The following QRFPR variants were observed in gnomAD, a reference collection of about 807,000 sequenced individuals.
The protein encoded by QRFPR is pyroglutamylated RF-amide peptide receptor.
A neutral mutation model predicts 31.3 loss-of-function variants in QRFPR; 37 were observed. That is an observed-to-expected ratio of 1.18 (90% confidence interval 0.91 to 1.56). The LOEUF (loss-of-function observed/expected upper bound fraction) is 1.56, where lower values mean the gene tolerates loss of function less well. QRFPR is among the 40% of genes most tolerant of loss of function. The pLI, the probability that QRFPR is intolerant of heterozygous loss-of-function variation, is 0.00. For missense variants in QRFPR, 542 were observed against 532.5 expected, an observed-to-expected ratio of 1.02 and a Z score of -0.18; for synonymous variants, 197 against 192.0, an observed-to-expected ratio of 1.03 and a Z score of -0.22.
chr4:121,332,771 C>G, intron 4 of QRFPR, 50 bp downstream of exon 4: 4 of 1,412,628 alleles, frequency 2.8e-6, no homozygotes, highest in Non-Finnish European at 3.9e-6. Context: ...TCCCTTCCAG[C>G]ACAATTAATT....
At chr4:121,352,761 T>C (rs1187088474) in intron 1 of QRFPR, among the ~76,000 whole-genome samples, 3 of 152,070 alleles carry the variant, frequency 2.0e-5, no homozygotes, top group Admixed American at 6.6e-5. Flanking sequence ...TTTTAAAATA[T>C]ACAATAAATT....
chr4:121,374,035 A>G lies in QRFPR; in HGVS notation c.340+6273T>C, dbSNP rs150727590. Among the ~76,000 whole-genome samples, 263 of 152,330 alleles carry G rather than the reference A, an allele frequency of 1.7e-3. 2 individuals carry two copies. Among genetic ancestry groups the G allele is most frequent in the African/African-American group, 6.2e-3 (258 of 41,570 alleles). ...CTGTGGCCCTGGGCAAAATAGACTG[A>G]AAAACCTTTGTGGTGAGGTGTGCTA... On this transcript the variant is annotated intron_variant, in intron 1 of 5. Coordinates refer to ENST00000394427, the MANE Select transcript of QRFPR (RefSeq NM_198179.3).
At chr4:121,335,915 T>C (rs971796698) in intron 3 of QRFPR, among the ~76,000 whole-genome samples, 13 of 152,118 alleles carry the variant, frequency 8.5e-5, no homozygotes, top group Non-Finnish European at 1.3e-4. Context: ...TTTTTCCAGG[T>C]AGCAAGGGAT....
At chr4:121,359,875 G>T (rs1361705213) in intron 1 of QRFPR, among the ~76,000 whole-genome samples, 1 of 151,346 alleles carries the variant, frequency 6.6e-6, no homozygotes, top group East Asian at 1.9e-4. Flanking sequence ...GACTAATACG[G>T]CTTATTATCA....
chr4:121,359,616 A>G (rs928623324), intron 1 of QRFPR, among the ~76,000 whole-genome samples: 2 of 151,190 alleles, frequency 1.3e-5, no homozygotes, highest in South Asian at 4.2e-4. Flanking sequence ...GTTAATACTT[A>G]GTAAACTCAT....
At chr4:121,335,587 G>C (rs1268902346) in intron 3 of QRFPR, among the ~76,000 whole-genome samples, 2 of 61,188 alleles carry the variant, frequency 3.3e-5, no homozygotes, top group Non-Finnish European at 6.7e-5. Flanking sequence ...GTGGGGGGTG[G>C]GGCGGGGAGA....
rs1726084761 is a variant in QRFPR, at chr4:121,365,527, T to TATATA, written c.340+14776_340+14780dup. Among the ~76,000 whole-genome samples the TATATA allele has an allele frequency of 1.6e-3, 8 of 5,008 alleles. 2 individuals are homozygous for TATATA. The highest frequency in any genetic ancestry group is 9.6e-3 in the African/African-American group (7 of 732). 3.3% of individuals were successfully genotyped at this position (5,008 alleles called of 152,430 possible). A position where few individuals can be genotyped will look rare whatever the true frequency, so the allele number is the denominator to read the frequency against. ...TATATATAATATATATTATATATAT[T>TATATA]ATATATAATATATATTATATATAAT... On this transcript the variant is annotated intron_variant, in intron 1 of 5. Coordinates refer to ENST00000394427, the MANE Select transcript of QRFPR (RefSeq NM_198179.3).
In QRFPR at chr4:121,380,773, G is replaced by C; in HGVS notation, c.-126C>G. ...CCCTTCCTCTACTCTGGAGTCAGCC[G>C]CGCGGGAGGGCTCTAGGCTGCACCC... On this transcript the variant is annotated 5_prime_UTR_variant, in exon 1 of 6. Transcript: ENST00000394427. 2.4e-6 allele frequency: 2 copies of C among 829,282 alleles called. No homozygotes were observed. Among genetic ancestry groups the C allele is most frequent in the Admixed American group, 5.9e-5 (2 of 34,034 alleles). The allele number at this position is 829,282 out of a possible 1,614,324, so 51.4% of individuals were successfully genotyped here.
Position 121,329,197 on chromosome 4 carries a change from A to C in QRFPR, c.*117T>G. 2 of 806,538 alleles carry C rather than the reference A, an allele frequency of 2.5e-6. No individual in the cohort carries two copies. The highest frequency in any genetic ancestry group is 2.7e-4 in the Middle Eastern group (1 of 3,772). 50.0% of individuals were successfully genotyped at this position (806,538 alleles called of 1,614,324 possible). On this transcript the variant is annotated 3_prime_UTR_variant, in exon 6 of 6. Transcript: ENST00000394427. ...CGTGTCATTTTTTAATGGAAACATGATTTGTTTTCTTCTTGTCATCATCTT... is the reference window on the plus strand; with the variant it reads ...CGTGTCATTTTTTAATGGAAACATGCTTTGTTTTCTTCTTGTCATCATCTT...
intron 1 of QRFPR, among the ~76,000 whole-genome samples, chr4:121,348,098 G>A (rs1023395398): frequency 5.3e-5 from 8 of 152,104 alleles, no homozygotes; most frequent in Admixed American, 2.6e-4. Flanking sequence ...GTAGTTTAGA[G>A]TATAGGCTCT....
chr4:121,370,044 A>C (rs1726203609), intron 1 of QRFPR: 2 of 772,640 alleles, frequency 2.6e-6, no homozygotes, highest in Non-Finnish European at 4.8e-6. Context: ...CGACATGGGT[A>C]GCTTTAGCCT....
chr4:121,331,175 GTTTTTTTTT>G (rs397995185), intron 4 of QRFPR, among the ~76,000 whole-genome samples: 8 of 69,038 alleles, frequency 1.2e-4, no homozygotes, highest in African/African-American at 5.2e-4. Context: ...TATATCTTGG[GTTTTTTTTT>G]TTTTTTTTTT....
At chr4:121,331,008 G>A (rs527632632) in intron 4 of QRFPR, among the ~76,000 whole-genome samples, 3 of 152,008 alleles carry the variant, frequency 2.0e-5, no homozygotes, top group African/African-American at 7.2e-5. Context: ...ACTCACGCCT[G>A]TAATCCCAGC....
At chr4:121,334,635 A>T in intron 3 of QRFPR, 1 of 397,768 alleles carries the variant, frequency 2.5e-6, no homozygotes, top group Non-Finnish European at 5.0e-6. Context: ...AGAGAAAAAA[A>T]GGTATTTGAC....
chr4:121,341,645 T>C (rs1725545137), intron 1 of QRFPR, among the ~76,000 whole-genome samples: 1 of 152,190 alleles, frequency 6.6e-6, no homozygotes, highest in African/African-American at 2.4e-5. Flanking sequence ...ATATTGTATA[T>C]AACTACCTTA....
In QRFPR at chr4:121,330,444, G is replaced by T; in HGVS notation, c.877C>A (p.His293Asn). 1 of 1,611,032 alleles carries T rather than the reference G, an allele frequency of 6.2e-7. No individual in the cohort carries two copies. The highest frequency in any genetic ancestry group is 8.5e-7 in the Non-Finnish European group (1 of 1,177,298). Residue 293 changes from histidine to asparagine, a missense_variant, in exon 5 of 6, where the codon CAT (histidine) becomes AAT (asparagine). Transcript: ENST00000394427. ...CACTCACTGTATTCAATCATCATAT[G>T]GACAACATGGAATGGTGCCCAGCAC... ...AVCWAPFHVVHMMIEYSNFEK... is the reference protein window; with the variant it reads ...AVCWAPFHVVNMMIEYSNFEK...
rs185256808 is a variant in QRFPR, at chr4:121,375,747, A to G, written c.340+4561T>C. Among the ~76,000 whole-genome samples, 332 of 152,310 alleles carry G rather than the reference A, an allele frequency of 2.2e-3. 2 individuals are homozygous for G. Among genetic ancestry groups the G allele is most frequent in the African/African-American group, 7.5e-3 (312 of 41,570 alleles). ...GCATGCTAAGCTTCAGTGGACACTT[A>G]CTCGCAAAATAAGAGAAAGATTGAG... is the stretch of plus-strand genomic sequence containing the variant. On this transcript the variant is annotated intron_variant, in intron 1 of 5. Transcript: ENST00000394427.
intron 1 of QRFPR, among the ~76,000 whole-genome samples, chr4:121,354,161 CT>C (rs1725819484): frequency 6.6e-6 from 1 of 151,952 alleles, no homozygotes; most frequent in Admixed American, 6.6e-5. Flanking sequence ...CACCTTTGTT[CT>C]TTTTGCTCGG....
chr4:121,338,591 T>A (rs1425695182), intron 2 of QRFPR, among the ~76,000 whole-genome samples: 1 of 152,260 alleles, frequency 6.6e-6, no homozygotes, highest in South Asian at 2.1e-4. Flanking sequence ...TCTTCCAATA[T>A]GGCCCAGGGA....
Sources: allele counts gnomAD v4.1 joint callset (sites outside exome capture counted in the v4.1 genomes callset), GRCh38; gene constraint gnomAD v4.1.1; transcripts MANE v1.5; gene names NCBI Gene and HGNC (gene_info 2026-07-23, HGNC 2026-07-21).